FER: variants seen among roughly 807,000 people sequenced by gnomAD.
FER encodes tyrosine-protein kinase Fer.
Under a neutral mutation model 111.0 loss-of-function variants are expected in FER, and 63 were observed. The observed-to-expected ratio is 0.57, with a 90% CI of 0.46 to 0.70. The LOEUF is 0.70. FER is among the 30% of genes least tolerant of loss of function. The pLI, the probability that FER is intolerant of heterozygous loss-of-function variation, is 0.00. For synonymous variants in FER, 327 were observed against 313.9 expected (o/e 1.04, Z -0.44); for missense variants, 914 against 954.0 (o/e 0.96, Z 0.55).
At chr5:108,884,961 C>G (rs1746884619) in intron 9 of FER, among the ~76,000 whole-genome samples, 1 of 151,894 alleles carries the variant, frequency 6.6e-6, no homozygotes, top group Non-Finnish European at 1.5e-5. Context: ...TTCCCTTGGC[C>G]TTTGGAACTC....
At chr5:109,105,972 A>T (rs574696228) in intron 17 of FER, among the ~76,000 whole-genome samples, 8 of 152,348 alleles carry the variant, frequency 5.3e-5, no homozygotes, top group African/African-American at 1.9e-4. Context: ...CGTTTTACAC[A>T]TGAGGAAACT....
At chr5:109,006,819 A>T (rs990100001) in intron 13 of FER, among the ~76,000 whole-genome samples, 1 of 152,114 alleles carries the variant, frequency 6.6e-6, no homozygotes, top group Non-Finnish European at 1.5e-5. Flanking sequence ...TGATGCTCAT[A>T]TGGTGGGGGG....
intron 5 of FER, among the ~76,000 whole-genome samples, chr5:108,845,064 A>ATG (rs1561503560): frequency 5.6e-5 from 4 of 71,658 alleles, no homozygotes; most frequent in African/African-American, 2.4e-4. Flanking sequence ...ATATATATAT[A>ATG]TATACACACA....
chr5:108,878,416 A>G (rs2150268107), intron 8 of FER, among the ~76,000 whole-genome samples: 1 of 152,270 alleles, frequency 6.6e-6, no homozygotes, highest in South Asian at 2.1e-4. Flanking sequence ...ATGTATATAC[A>G]TGTGTGTGAA....
intron 17 of FER, among the ~76,000 whole-genome samples, chr5:109,155,733 T>C (rs192543611): frequency 2.0e-5 from 3 of 151,932 alleles, no homozygotes; most frequent in African/African-American, 7.2e-5. Context: ...CTGAAATGGA[T>C]GATAAAATAG....
chr5:109,010,498 A>G lies in FER; in HGVS notation c.1657-26924A>G, dbSNP rs113388285. The stretch of plus-strand genomic sequence containing the variant: ...AAATGTTTTGTGTTCCTGTTCTCTT[A>G]CCAGTTTCATAAGGTTTTCACCAAT... On this transcript the variant is annotated intron_variant, in intron 13 of 19. Coordinates refer to ENST00000281092, the MANE Select transcript of FER (RefSeq NM_005246.4). Among the ~76,000 whole-genome samples, 1,101 of 152,006 alleles carry G rather than the reference A, an allele frequency of 7.2e-3. 16 individuals are homozygous for G. The highest frequency in any genetic ancestry group is 0.025 in the African/African-American group (1,040 of 41,448).
chr5:108,988,750 T>G (rs1434362404), intron 13 of FER, among the ~76,000 whole-genome samples: 4 of 152,106 alleles, frequency 2.6e-5, no homozygotes, highest in Non-Finnish European at 5.9e-5. Flanking sequence ...TTGCTTCATT[T>G]ATCTTTGTTG....
At chr5:108,849,564 A>T (rs564781842) in intron 5 of FER, among the ~76,000 whole-genome samples, 1 of 152,160 alleles carries the variant, frequency 6.6e-6, no homozygotes, top group African/African-American at 2.4e-5. Flanking sequence ...TAAACCTTTT[A>T]TATATCTACT....
chr5:108,997,652 G>T (rs536302057), intron 13 of FER, among the ~76,000 whole-genome samples: 1 of 152,128 alleles, frequency 6.6e-6, no homozygotes, highest in African/African-American at 2.4e-5. Flanking sequence ...GCAGAGCTCC[G>T]GTGCTGTGCT....
chr5:108,912,208 A>G (rs1331536724), intron 10 of FER, among the ~76,000 whole-genome samples: 6 of 152,290 alleles, frequency 3.9e-5, no homozygotes, highest in Non-Finnish European at 7.4e-5. Flanking sequence ...GCAGTGTGAA[A>G]ACGGACTAAT....
At chr5:109,009,308 T>C (rs1765934722) in intron 13 of FER, among the ~76,000 whole-genome samples, 1 of 152,098 alleles carries the variant, frequency 6.6e-6, no homozygotes, top group Non-Finnish European at 1.5e-5. Context: ...AGTGGTGGGA[T>C]TACAGGTGAG....
At chr5:108,998,161 G>A (rs938671289) in intron 13 of FER, among the ~76,000 whole-genome samples, 2 of 139,628 alleles carry the variant, frequency 1.4e-5, no homozygotes, top group African/African-American at 2.7e-5. Context: ...TCTTGCTGGC[G>A]TTCCAGGCAC....
At chr5:109,069,174 A>G (rs930138481) in intron 16 of FER, among the ~76,000 whole-genome samples, 1 of 152,208 alleles carries the variant, frequency 6.6e-6, no homozygotes, top group East Asian at 1.9e-4. Flanking sequence ...AATACAATAC[A>G]ATTACAAATA....
At chr5:109,085,157 A>G (rs552078532) in intron 16 of FER, among the ~76,000 whole-genome samples, 3 of 151,958 alleles carry the variant, frequency 2.0e-5, no homozygotes, top group South Asian at 4.1e-4. Context: ...CTGTAAATCA[A>G]TATGGGGGAA....
At chr5:109,146,270 A>C (rs372956560) in intron 17 of FER, among the ~76,000 whole-genome samples, 4,393 of 66,734 alleles carry the variant, frequency 0.066, 477 homozygotes, top group South Asian at 0.13. Flanking sequence ...ATATATATAT[A>C]TATATATATA....
At position 109,078,461 on chromosome 5, in the gene FER, T is replaced by C. The variant is rs868014879; in HGVS notation, c.1925-21935T>C. Among the ~76,000 whole-genome samples, 29 of 152,180 alleles carry C rather than the reference T, an allele frequency of 1.9e-4. 1 individual carries two copies. Among genetic ancestry groups the C allele is most frequent in the African/African-American group, 7.0e-4 (29 of 41,450 alleles). ...CATAAAACTAGGAGACATTCCAGTTTCTTTTTCTTTCTCAGTCAACCTGGA... is the reference window on the plus strand; with the variant it reads ...CATAAAACTAGGAGACATTCCAGTTCCTTTTTCTTTCTCAGTCAACCTGGA... On this transcript the variant is annotated intron_variant, in intron 16 of 19. Coordinates refer to ENST00000281092, the MANE Select transcript of FER (RefSeq NM_005246.4).
At chr5:108,815,679 AG>A (rs775466717) in intron 3 of FER, among the ~76,000 whole-genome samples, 8 of 152,208 alleles carry the variant, frequency 5.3e-5, no homozygotes, top group Non-Finnish European at 8.8e-5. Flanking sequence ...GGTACTTAAA[AG>A]GAAGTATTGC....
intron 5 of FER, among the ~76,000 whole-genome samples, chr5:108,867,373 T>C (rs1184299389): frequency 1.3e-5 from 2 of 152,164 alleles, no homozygotes; most frequent in East Asian, 1.9e-4. Flanking sequence ...CTTGTCTTTG[T>C]TGATATCTCA....
Position 109,187,873 on chromosome 5 carries a change from C to A in FER, c.*298C>A. The A allele has an allele frequency of 2.8e-6, 1 of 357,288 alleles. No homozygotes were observed. 22.1% of individuals were successfully genotyped at this position (357,288 alleles called of 1,614,324 possible). ...AGTGTGTGAAGGATAAAAGATCTAT[C>A]CTATCCTTTTCACACCTTGTTTCTA... On this transcript the variant is annotated 3_prime_UTR_variant, in exon 20 of 20. Transcript: ENST00000281092.
Sources: gnomAD v4.1 joint callset for allele counts (sites outside exome capture counted in the v4.1 genomes callset) on GRCh38, gnomAD v4.1.1 for gene constraint, MANE v1.5 for transcripts, NCBI Gene and HGNC (gene_info 2026-07-23, HGNC 2026-07-21) for gene names.